Variants in SPSB1 observed in about 807,000 individuals in gnomAD.
SPSB1 encodes the protein SPRY domain-containing SOCS box protein 1.
Under a neutral mutation model 21.2 loss-of-function variants are expected in SPSB1, and 8 were observed. The observed-to-expected ratio is 0.38, with a 90% CI of 0.22 to 0.68. The LOEUF is 0.68. SPSB1 is among the 30% of genes least tolerant of loss of function. SPSB1 has a pLI of 0.53. For missense variants in SPSB1, 242 were observed against 377.8 expected (o/e 0.64, Z 2.98); for synonymous variants, 169 against 161.7 (o/e 1.05, Z -0.34).
intron 1 of SPSB1, among the ~76,000 whole-genome samples, chr1:9,330,976 A>T (rs1428526411): frequency 6.6e-6 from 1 of 151,368 alleles, no homozygotes; most frequent in Non-Finnish European, 1.5e-5. Flanking sequence ...TAAATCTTTT[A>T]TTGAAGGATG....
chr1:9,356,665 T>C lies in SPSB1; in HGVS notation c.694+80T>C. On this transcript the variant is annotated intron_variant, in intron 2 of 2. Transcript: ENST00000328089. The surrounding 1 kb of genome is among the most constrained non-coding windows in gnomAD (Gnocchi z 7.4). ...TGGCTGGGCTCAGGCCAAAAGTTGA[T>C]TCATTGGAACTAGAGTGTTTTGAAG... 1 of 1,511,658 alleles carries C rather than the reference T, an allele frequency of 6.6e-7. No homozygotes were observed. The highest frequency in any genetic ancestry group is 8.8e-7 in the Non-Finnish European group (1 of 1,133,248). The allele number at this position is 1,511,658 out of a possible 1,614,324, so 93.6% of individuals were successfully genotyped here. A position where few individuals can be genotyped will look rare whatever the true frequency, so the allele number is the denominator to read the frequency against.
intron 1 of SPSB1, among the ~76,000 whole-genome samples, chr1:9,296,850 GA>G (rs1435092405): frequency 1.3e-5 from 2 of 152,218 alleles, no homozygotes; most frequent in Non-Finnish European, 2.9e-5. Context: ...CACATTGGGG[GA>G]TCTGTCCTGC....
At chr1:9,301,077 C>T (rs967428064) in intron 1 of SPSB1, among the ~76,000 whole-genome samples, 4 of 152,310 alleles carry the variant, frequency 2.6e-5, no homozygotes, top group South Asian at 4.1e-4. Flanking sequence ...CACCTTGCTT[C>T]GAAGGAGAGA....
At chr1:9,295,877 G>T (rs9442514) in intron 1 of SPSB1, among the ~76,000 whole-genome samples, 45,882 of 152,090 alleles carry the variant, frequency 0.3, 7,451 homozygotes, top group African/African-American at 0.41. Flanking sequence ...TGTATCTTTT[G>T]GTTCTGAAAA....
At chr1:9,339,371 C>CCT in intron 1 of SPSB1, 1 of 907,824 alleles carries the variant, frequency 1.1e-6, no homozygotes, top group Non-Finnish European at 1.3e-6. Context: ...GACTCACCGC[C>CCT]AGGCCAGGTT....
intron 1 of SPSB1, among the ~76,000 whole-genome samples, chr1:9,301,087 A>G (rs1639320441): frequency 6.6e-6 from 1 of 152,188 alleles, no homozygotes; most frequent in African/African-American, 2.4e-5. Flanking sequence ...CGAAGGAGAG[A>G]TGGCCAGATG....
chr1:9,343,344 G>T (rs1293838561), intron 1 of SPSB1, among the ~76,000 whole-genome samples: 2 of 148,818 alleles, frequency 1.3e-5, no homozygotes, highest in African/African-American at 4.9e-5. Context: ...TTCGTCGAAA[G>T]GGAATCGTAC....
At chr1:9,353,505 G>A (rs556680856) in intron 1 of SPSB1, among the ~76,000 whole-genome samples, 28 of 152,164 alleles carry the variant, frequency 1.8e-4, no homozygotes, top group Admixed American at 3.3e-4. Flanking sequence ...GAACTCTCTG[G>A]AACCAGGGCG....
chr1:9,329,558 G>A (rs1639879948), intron 1 of SPSB1, among the ~76,000 whole-genome samples: 1 of 152,066 alleles, frequency 6.6e-6, no homozygotes, highest in Non-Finnish European at 1.5e-5. Flanking sequence ...ATTAGGCACA[G>A]TGGCATGCGC....
At position 9,348,859 on chromosome 1, in the gene SPSB1, T is replaced by C. The variant is rs931879019; in HGVS notation, c.-149-6884T>C. ...TGGAACCCCAACCCACCCCGTCCCATGGCTGCTCTGGAAACACTGGGTTGA... is the reference window on the plus strand; with the variant it reads ...TGGAACCCCAACCCACCCCGTCCCACGGCTGCTCTGGAAACACTGGGTTGA... On this transcript the variant is annotated intron_variant, in intron 1 of 2. Coordinates refer to ENST00000328089, the MANE Select transcript of SPSB1 (RefSeq NM_025106.4). This position sits in a 1 kb window ranked among gnomAD's most constrained non-coding sequence, Gnocchi z 4.8. Among the ~76,000 whole-genome samples the C allele has an allele frequency of 2.5e-4, 38 of 151,298 alleles. No homozygotes were observed. Among genetic ancestry groups the C allele is most frequent in the African/African-American group, 9.2e-4 (38 of 41,184 alleles).
chr1:9,338,131 CT>C, intron 1 of SPSB1, among the ~76,000 whole-genome samples: 1 of 152,240 alleles, frequency 6.6e-6, no homozygotes, highest in Non-Finnish European at 1.5e-5. Context: ...TGCAGGTCCC[CT>C]GTCCCCTCGC....
intron 1 of SPSB1, among the ~76,000 whole-genome samples, chr1:9,301,194 CAAAG>C (rs1482809616): frequency 1.3e-5 from 2 of 152,078 alleles, no homozygotes; most frequent in African/African-American, 2.4e-5. Flanking sequence ...AGATTGGTGA[CAAAG>C]AAAGCTGGGG....
At chr1:9,300,742 G>C (rs899393244) in intron 1 of SPSB1, among the ~76,000 whole-genome samples, 1 of 152,196 alleles carries the variant, frequency 6.6e-6, no homozygotes, top group Non-Finnish European at 1.5e-5. Flanking sequence ...GTATATATGG[G>C]ATCAGGTCTG....
chr1:9,344,725 C>T (rs1640143522), intron 1 of SPSB1, among the ~76,000 whole-genome samples: 6 of 152,096 alleles, frequency 3.9e-5, no homozygotes, highest in African/African-American at 9.7e-5. Context: ...CCTCAGGGGG[C>T]GGATGAGTGG....
intron 1 of SPSB1, among the ~76,000 whole-genome samples, chr1:9,295,754 C>T (rs1331189722): frequency 1.3e-5 from 2 of 152,346 alleles, no homozygotes; most frequent in African/African-American, 2.4e-5. Flanking sequence ...TGCCTGCAGA[C>T]GCATTTTCAA....
At position 9,293,895 on chromosome 1, in the gene SPSB1, C is replaced by A. The variant is rs1349758916; in HGVS notation, c.-150+824C>A. 6.6e-6 allele frequency among the ~76,000 whole-genome samples: 1 copy of A among 151,900 alleles called. No homozygotes were observed. The highest frequency in any genetic ancestry group is 2.4e-5 in the African/African-American group (1 of 41,318). Reference sequence around the variant, plus strand: ...GCATGTCCTTGTGAATATGTGCCTGCGTATGAGTGTGTCTGTGTGTTCATG... The same window carrying A: ...GCATGTCCTTGTGAATATGTGCCTGAGTATGAGTGTGTCTGTGTGTTCATG... On this transcript the variant is annotated intron_variant, in intron 1 of 2. Coordinates refer to ENST00000328089, the MANE Select transcript of SPSB1 (RefSeq NM_025106.4). This position sits in a 1 kb window ranked among gnomAD's most constrained non-coding sequence, Gnocchi z 5.1.
intron 1 of SPSB1, among the ~76,000 whole-genome samples, chr1:9,353,359 G>A (rs1375580909): frequency 6.6e-6 from 1 of 152,150 alleles, no homozygotes; most frequent in African/African-American, 2.4e-5. Flanking sequence ...AGGCCCCAAA[G>A]CCACAGGGTG....
rs1221794029 is a variant in SPSB1, at chr1:9,348,675, C to T, written c.-149-7068C>T. ...TTCCTTCCTACTAAGATCTGGGGCC[C>T]CCAGCAAATCCAAAGATGGCCTTTT... On this transcript the variant is annotated intron_variant, in intron 1 of 2. Transcript: ENST00000328089. The surrounding 1 kb of genome is among the most constrained non-coding windows in gnomAD (Gnocchi z 4.8). Among the ~76,000 whole-genome samples the T allele has an allele frequency of 6.6e-6, 1 of 152,080 alleles. No individual in the cohort carries two copies. The highest frequency in any genetic ancestry group is 2.4e-5 in the African/African-American group (1 of 41,414).
At chr1:9,316,746 C>A (rs1639622984) in intron 1 of SPSB1, among the ~76,000 whole-genome samples, 1 of 152,218 alleles carries the variant, frequency 6.6e-6, no homozygotes, top group Admixed American at 6.5e-5. Flanking sequence ...GGGGAGACCG[C>A]CCCGGAAGCG....
Sources: gnomAD v4.1 joint callset for allele counts (sites outside exome capture counted in the v4.1 genomes callset) on GRCh38, gnomAD v4.1.1 for gene constraint, Gnocchi (gnomAD v3.1) non-coding constraint, MANE v1.5 for transcripts, NCBI Gene and HGNC (gene_info 2026-07-23, HGNC 2026-07-21) for gene names.